BLTP2: variants seen among roughly 807,000 people sequenced by gnomAD.
BLTP2 encodes the protein U937-associated antigen.
the BLTP2 span, among the ~76,000 whole-genome samples, chr17:28,631,093 T>C: frequency 2.0e-5 from 3 of 152,168 alleles, no homozygotes; most frequent in South Asian, 2.1e-4. Flanking sequence ...AATTCATATG[T>C]TGAAGTCCTA....
At chr17:28,637,909 T>C in the BLTP2 span, 1 of 1,614,176 alleles carries the variant, frequency 6.2e-7, no homozygotes, top group Non-Finnish European at 8.5e-7. Flanking sequence ...ATGACACAGA[T>C]TCCCCAAATG....
chr17:28,626,093 A>G, the BLTP2 span, among the ~76,000 whole-genome samples: 3 of 152,102 alleles, frequency 2.0e-5, no homozygotes, highest in African/African-American at 7.2e-5. Flanking sequence ...CTGAGACACC[A>G]TGATAGTTTC....
chr17:28,639,529 G>A, the BLTP2 span: 69 of 1,612,308 alleles, frequency 4.3e-5, no homozygotes, highest in South Asian at 2.7e-4. Context: ...ATAATGTAGC[G>A]GGAGAATAGA....
At chr17:28,634,527 C>T in the BLTP2 span, 2 of 1,613,032 alleles carry the variant, frequency 1.2e-6, no homozygotes, top group Non-Finnish European at 1.7e-6. Context: ...CCAGAAAGCT[C>T]TTGACATTGC....
chr17:28,633,687 G>T, the BLTP2 span: 1 of 1,614,084 alleles, frequency 6.2e-7, no homozygotes, highest in Middle Eastern at 1.7e-4. Flanking sequence ...CCACACACTG[G>T]CCAATTAGTG....
At chr17:28,622,062 T>G in the BLTP2 span, among the ~76,000 whole-genome samples, 1 of 152,022 alleles carries the variant, frequency 6.6e-6, no homozygotes, top group African/African-American at 2.4e-5. Context: ...GCCCAAGATG[T>G]TCCACTCTAA....
At chr17:28,638,449 G>T in the BLTP2 span, 2 of 1,606,886 alleles carry the variant, frequency 1.2e-6, no homozygotes, top group African/African-American at 1.3e-5. Flanking sequence ...ATTGCATGGA[G>T]CCACTGTGGC....
At chr17:28,635,161 A>T in the BLTP2 span, 1 of 1,613,690 alleles carries the variant, frequency 6.2e-7, no homozygotes, top group Non-Finnish European at 8.5e-7. Flanking sequence ...GAGGGTCTGC[A>T]GCGCAGGGAA....
chr17:28,633,669 C>T, the BLTP2 span: 1 of 1,613,988 alleles, frequency 6.2e-7, no homozygotes, highest in Admixed American at 1.7e-5. Flanking sequence ...AGGGCTTGGT[C>T]AAGAGGTCCA....
At chr17:28,633,619 C>T in the BLTP2 span, 5 of 1,614,070 alleles carry the variant, frequency 3.1e-6, no homozygotes, top group Non-Finnish European at 4.2e-6. Flanking sequence ...CAGAAGACGG[C>T]TCTTGTCCCA....
At chr17:28,633,125 A>G in the BLTP2 span, 1 of 1,586,882 alleles carries the variant, frequency 6.3e-7, no homozygotes, top group Non-Finnish European at 8.6e-7. Context: ...AGTGTCATGC[A>G]GAGGTCAGGC....
the BLTP2 span, chr17:28,618,669 A>G: frequency 1.4e-6 from 1 of 723,786 alleles, no homozygotes; most frequent in East Asian, 2.6e-5. Flanking sequence ...TATTAATGAT[A>G]CTATCATTAA....
chr17:28,643,195 AAGGAC>A, the BLTP2 span: 1 of 1,614,212 alleles, frequency 6.2e-7, no homozygotes, highest in Non-Finnish European at 8.5e-7. Context: ...GGATGGGCTG[AAGGAC>A]AGTTCCTTTT....
At chr17:28,632,792 G>T in the BLTP2 span, 1 of 516,080 alleles carries the variant, frequency 1.9e-6, no homozygotes, top group Non-Finnish European at 3.3e-6. Context: ...CCTTTCCCCT[G>T]CCAAAAAACA....
At chr17:28,637,271 C>T in the BLTP2 span, 61 of 887,660 alleles carry the variant, frequency 6.9e-5, no homozygotes, top group Non-Finnish European at 1.0e-4. Flanking sequence ...ATCTTTATTC[C>T]TCATGCCTCC....
the BLTP2 span, among the ~76,000 whole-genome samples, chr17:28,626,390 T>C: frequency 2.0e-5 from 3 of 152,350 alleles, no homozygotes; most frequent in Non-Finnish European, 4.4e-5. Flanking sequence ...GAAATATATA[T>C]TTGGTCTTCC....
At chr17:28,620,532 G>A in the BLTP2 span, 1 of 1,614,088 alleles carries the variant, frequency 6.2e-7, no homozygotes, top group Non-Finnish European at 8.5e-7. Context: ...TCTACATGGA[G>A]CAGCAGGTTG....
the BLTP2 span, among the ~76,000 whole-genome samples, chr17:28,626,219 G>C: frequency 6.6e-6 from 1 of 152,152 alleles, no homozygotes; most frequent in Non-Finnish European, 1.5e-5. Context: ...ACATTCAGTA[G>C]TTCACCACTG....
the BLTP2 span, chr17:28,616,524 G>C: frequency 6.2e-7 from 1 of 1,614,144 alleles, no homozygotes; most frequent in Non-Finnish European, 8.5e-7. This position sits in a 1 kb window ranked among gnomAD's most constrained non-coding sequence, Gnocchi z 4.8. Flanking sequence ...GAAAAAGCAA[G>C]TGTACCAGCT....
Sources: allele counts gnomAD v4.1 joint callset (sites outside exome capture counted in the v4.1 genomes callset), GRCh38; gene constraint gnomAD v4.1.1; non-coding constraint Gnocchi (gnomAD v3.1); transcripts MANE v1.5; gene names NCBI Gene and HGNC (gene_info 2026-07-23, HGNC 2026-07-21).